The following PRR23C variants were observed in gnomAD, a reference collection of about 807,000 sequenced individuals.
PRR23C encodes proline rich 23C, also known as proline-rich protein 23C.
PRR23C carries 1 observed loss-of-function variant against 0.1 expected under a neutral mutation model. The ratio of observed to expected loss-of-function variants is 6.80; its 90% confidence interval spans 2.41 to 32.24. The LOEUF (loss-of-function observed/expected upper bound fraction) is 32.24, where lower values mean the gene tolerates loss of function less well. PRR23C is among the 30% of genes most tolerant of loss of function. The pLI, the probability that PRR23C is intolerant of heterozygous loss-of-function variation, is 0.11. For synonymous variants in PRR23C, 172 were observed against 168.1 expected (o/e 1.02, Z -0.18); for missense variants, 361 against 370.4 (o/e 0.97, Z 0.21).
chr3:139,043,981 T>C lies in PRR23C; in HGVS notation c.640A>G (p.Ile214Val), dbSNP rs1474982721. 43 of 1,611,528 alleles carry C rather than the reference T, an allele frequency of 2.7e-5. No individual in the cohort carries two copies. The highest frequency in any genetic ancestry group is 3.6e-5 in the Non-Finnish European group (43 of 1,178,822). Reference protein sequence around the residue: ...PSSERRSPRPIFDLEFHLLEP... With the variant: ...PSSERRSPRPVFDLEFHLLEP... Reference sequence around the variant, plus strand: ...AGAAGATGGAATTCCAGGTCGAAGATGGGGCGTGGAGAGCGTCTCTCTGAA... The same window carrying C: ...AGAAGATGGAATTCCAGGTCGAAGACGGGGCGTGGAGAGCGTCTCTCTGAA... The change falls in exon 1 of 1, where the codon ATC becomes GTC. Residue 214 changes from isoleucine (I) to valine (V), a missense_variant. Coordinates refer to ENST00000413199, the MANE Select transcript of PRR23C (RefSeq NM_001134657.1).
the PRR23C span, chr3:139,044,286 G>C: frequency 6.2e-7 from 1 of 1,609,562 alleles, no homozygotes. This position sits in a 1 kb window ranked among gnomAD's most constrained non-coding sequence, Gnocchi z 7.5. Context: ...CTGCGCTCCT[G>C]AGCATTCGTC....
chr3:139,044,167 C>G lies in PRR23C; in HGVS notation c.454G>C (p.Glu152Gln), dbSNP rs1280987729. 6.2e-7 allele frequency: 1 copy of G among 1,613,248 alleles called. No homozygotes were observed. The highest frequency in any genetic ancestry group is 1.3e-5 in the African/African-American group (1 of 74,924). Residue 152 changes from glutamate (E) to glutamine (Q), a missense_variant, in exon 1 of 1, where the codon GAA (glutamate) becomes CAA (glutamine). Glu to Gln is a conservative substitution (Grantham distance 29). Transcript: ENST00000413199. The surrounding 1 kb of genome is among the most constrained non-coding windows in gnomAD (Gnocchi z 7.5). ...CASVPEIAAEEEAYEEDADSE... is the reference protein window; with the variant it reads ...CASVPEIAAEQEAYEEDADSE... ...TCCGCGTCCTCCTCGTAGGCCTCTT[C>G]CTCGGCAGCGATCTCTGGGACAGAT...
rs1439978341 is a variant in PRR23C, at chr3:139,043,522, A to C, written c.*310T>G. On this transcript the variant is annotated 3_prime_UTR_variant, in exon 1 of 1. Transcript: ENST00000413199. ...ATGTGCTGGAACTGAGGTTCAAAGC[A>C]AAACCAGGGGGAATGGAGCTGCCTA... is the stretch of plus-strand genomic sequence containing the variant. 4.3e-6 allele frequency: 1 copy of C among 230,626 alleles called. No homozygotes were observed. Among genetic ancestry groups the C allele is most frequent in the Non-Finnish European group, 8.4e-6 (1 of 118,504 alleles). The allele number at this position is 230,626 out of a possible 1,614,324, so 14.3% of individuals were successfully genotyped here. A position where few individuals can be genotyped will look rare whatever the true frequency, so the allele number is the denominator to read the frequency against.
chr3:139,044,674 C>CG lies in PRR23C; in HGVS notation c.-55dup, dbSNP rs1287994204. 10 of 1,419,698 alleles carry CG rather than the reference C, an allele frequency of 7.0e-6. No individual in the cohort carries two copies. In the East Asian group the frequency reaches 1.1e-4, roughly 16 times the overall value. 87.9% of individuals were successfully genotyped at this position (1,419,698 alleles called of 1,614,324 possible). ...CTGGGCCTGGCAGGGGACGTGGGTG[C>CG]GGGGGGCTCGGGGCGGCGAAGTCCT... On this transcript the variant is annotated 5_prime_UTR_variant, in exon 1 of 1. Coordinates refer to ENST00000413199, the MANE Select transcript of PRR23C (RefSeq NM_001134657.1). This position sits in a 1 kb window ranked among gnomAD's most constrained non-coding sequence, Gnocchi z 7.5.
At position 139,044,069 on chromosome 3, in the gene PRR23C, A is replaced by C; in HGVS notation, c.552T>G (p.Ser184Arg). 6.2e-7 allele frequency: 1 copy of C among 1,613,470 alleles called. No individual in the cohort carries two copies. Among genetic ancestry groups the C allele is most frequent in the Non-Finnish European group, 8.5e-7 (1 of 1,179,694 alleles). Reference sequence around the variant, plus strand: ...GGCCCTCCCGGTAGGGGCTGAACATACTTCTAGCGGAGGGGTAGAGCCCAG... The same window carrying C: ...GGCCCTCCCGGTAGGGGCTGAACATCCTTCTAGCGGAGGGGTAGAGCCCAG... ...SAAGLYPSAR[S>R]MFSPYREGPI... Residue 184 changes from serine to arginine, a missense_variant, in exon 1 of 1, where the codon AGT (serine) becomes AGG (arginine). Coordinates refer to ENST00000413199, the MANE Select transcript of PRR23C (RefSeq NM_001134657.1). The surrounding 1 kb of genome is among the most constrained non-coding windows in gnomAD (Gnocchi z 7.5).
rs375702617 is a variant in PRR23C, at chr3:139,044,484, T to G, written c.137A>C (p.Glu46Ala). ...CACGGCCGGGGTCCCCGCCGGGTCTTCCGGGCTGGGCGCCGCTCGGGATTC... is the reference window on the plus strand; with the variant it reads ...CACGGCCGGGGTCCCCGCCGGGTCTGCCGGGCTGGGCGCCGCTCGGGATTC... The part of the protein sequence containing the change: ...GPESRAAPSP[E>A]DPAGTPAVDA... The change falls in exon 1 of 1, where the codon GAA becomes GCA. Residue 46 changes from glutamate (E) to alanine (A), a missense_variant. Glu to Ala is a moderately radical substitution (Grantham distance 107). Coordinates refer to ENST00000413199, the MANE Select transcript of PRR23C (RefSeq NM_001134657.1). The surrounding 1 kb of genome is among the most constrained non-coding windows in gnomAD (Gnocchi z 7.5). The G allele has an allele frequency of 3.2e-6, 5 of 1,541,898 alleles. No individual in the cohort carries two copies. The African/African-American group carries it at 5.5e-5, about 17-fold the overall frequency.
chr3:139,044,156 G>C, the PRR23C span: 1 of 1,613,206 alleles, frequency 6.2e-7, no homozygotes, highest in Non-Finnish European at 8.5e-7. This position sits in a 1 kb window ranked among gnomAD's most constrained non-coding sequence, Gnocchi z 7.5. Context: ...CGTCCTCCTC[G>C]TAGGCCTCTT....
Position 139,044,674 on chromosome 3 carries a change from C to T in PRR23C, c.-54G>A, listed in dbSNP as rs1171539981. 21 of 1,419,704 alleles carry T rather than the reference C, an allele frequency of 1.5e-5. No homozygotes were observed. Among genetic ancestry groups the T allele is most frequent in the East Asian group, 2.8e-5 (1 of 35,620 alleles). 87.9% of individuals were successfully genotyped at this position (1,419,704 alleles called of 1,614,324 possible). On this transcript the variant is annotated 5_prime_UTR_variant, in exon 1 of 1. Coordinates refer to ENST00000413199, the MANE Select transcript of PRR23C (RefSeq NM_001134657.1). The surrounding 1 kb of genome is among the most constrained non-coding windows in gnomAD (Gnocchi z 7.5). The stretch of plus-strand genomic sequence containing the variant: ...CTGGGCCTGGCAGGGGACGTGGGTG[C>T]GGGGGGCTCGGGGCGGCGAAGTCCT...
chr3:139,044,616 C>A lies in PRR23C; in HGVS notation c.5G>T (p.Gly2Val). 2 of 1,509,982 alleles carry A rather than the reference C, an allele frequency of 1.3e-6. No individual in the cohort carries two copies. Among genetic ancestry groups the A allele is most frequent in the Non-Finnish European group, 1.8e-6 (2 of 1,136,658 alleles). The allele number at this position is 1,509,982 out of a possible 1,614,324, so 93.5% of individuals were successfully genotyped here. The change falls in exon 1 of 1, where the codon GGC (glycine) becomes GTC (valine). Residue 2 changes from glycine (G) to valine (V), a missense_variant. Physicochemically the swap from Gly to Val is moderately radical, Grantham distance 109 (BLOSUM62 -3). Coordinates refer to ENST00000413199, the MANE Select transcript of PRR23C (RefSeq NM_001134657.1). This position sits in a 1 kb window ranked among gnomAD's most constrained non-coding sequence, Gnocchi z 7.5. The stretch of plus-strand genomic sequence containing the variant: ...GGCGCTGGGGCTGCAGGGCCGGCTG[C>A]CCATCACCTCGACGGCGCTGCGGAC... Reference protein sequence around the residue: MGSRPCSPSACL... With the variant: MVSRPCSPSACL...
chr3:139,044,150 C>T lies in PRR23C; in HGVS notation c.471G>A (p.Glu157=), dbSNP rs768443707. The change falls in exon 1 of 1, where the codon GAG becomes GAA. Residue 157 remains glutamate (E), a synonymous_variant. Transcript: ENST00000413199. The surrounding 1 kb of genome is among the most constrained non-coding windows in gnomAD (Gnocchi z 7.5). ...EIAAEEEAYE[E]DADSEFPELW... The stretch of plus-strand genomic sequence containing the variant: ...GCTCCGGGAACTCAGAGTCCGCGTC[C>T]TCCTCGTAGGCCTCTTCCTCGGCAG... The T allele has an allele frequency of 3.1e-6, 5 of 1,613,218 alleles. No homozygotes were observed. The highest frequency in any genetic ancestry group is 4.2e-6 in the Non-Finnish European group (5 of 1,179,582).
Position 139,044,606 on chromosome 3 carries a change from G to T in PRR23C, c.15C>A (p.Pro5=). The change falls in exon 1 of 1, where the codon CCC becomes CCA. Residue 5 remains proline, a synonymous_variant. Coordinates refer to ENST00000413199, the MANE Select transcript of PRR23C (RefSeq NM_001134657.1). This position sits in a 1 kb window ranked among gnomAD's most constrained non-coding sequence, Gnocchi z 7.5. MGSR[P]CSPSACLAPW... ...GCGCAAGGCAGGCGCTGGGGCTGCA[G>T]GGCCGGCTGCCCATCACCTCGACGG... The T allele has an allele frequency of 3.3e-6, 5 of 1,522,178 alleles. No individual in the cohort carries two copies. The highest frequency in any genetic ancestry group is 4.4e-6 in the Non-Finnish European group (5 of 1,140,656). 94.3% of individuals were successfully genotyped at this position (1,522,178 alleles called of 1,614,324 possible). A position where few individuals can be genotyped will look rare whatever the true frequency, so the allele number is the denominator to read the frequency against.
Position 139,044,053 on chromosome 3 carries a change from G to T in PRR23C, c.568C>A (p.Arg190=), listed in dbSNP as rs759003083. The part of the protein sequence containing the change: ...PSARSMFSPY[R]EGPIRGPCAL... Reference sequence around the variant, plus strand: ...CAGGGCCCTCGGATGGGGCCCTCCCGGTAGGGGCTGAACATACTTCTAGCG... The same window carrying T: ...CAGGGCCCTCGGATGGGGCCCTCCCTGTAGGGGCTGAACATACTTCTAGCG... Residue 190 remains arginine (R), a synonymous_variant, in exon 1 of 1, where the codon CGG becomes AGG. Coordinates refer to ENST00000413199, the MANE Select transcript of PRR23C (RefSeq NM_001134657.1). The surrounding 1 kb of genome is among the most constrained non-coding windows in gnomAD (Gnocchi z 7.5). The T allele has an allele frequency of 2.5e-6, 4 of 1,613,566 alleles. No homozygotes were observed. The highest frequency in any genetic ancestry group is 1.3e-5 in the African/African-American group (1 of 75,058).
rs1191692699 is a variant in PRR23C, at chr3:139,043,092, CAG to C, written c.*738_*739del. 2.0e-5 allele frequency: 3 copies of C among 151,700 alleles called. No individual in the cohort carries two copies. Among genetic ancestry groups the C allele is most frequent in the African/African-American group, 7.3e-5 (3 of 41,060 alleles). 9.4% of individuals were successfully genotyped at this position (151,700 alleles called of 1,614,324 possible). A position where few individuals can be genotyped will look rare whatever the true frequency, so the allele number is the denominator to read the frequency against. Reference sequence around the variant, plus strand: ...AACAACACACACACACATACACACACAGAGTCTTAGAATTATAAGCTTTTCCA... The same window carrying C: ...AACAACACACACACACATACACACACAGTCTTAGAATTATAAGCTTTTCCA... On this transcript the variant is annotated 3_prime_UTR_variant, in exon 1 of 1. Transcript: ENST00000413199.
Position 139,044,019 on chromosome 3 carries a change from G to T in PRR23C, c.602C>A (p.Ala201Asp), listed in dbSNP as rs145189818. Residue 201 changes from alanine to aspartate, a missense_variant, in exon 1 of 1, where the codon GCC becomes GAC. Transcript: ENST00000413199. This position sits in a 1 kb window ranked among gnomAD's most constrained non-coding sequence, Gnocchi z 7.5. ...EGPIRGPCAL[A>D]PNPSSERRSP... ...GCGTCTCTCTGAACTGGGGTTGGGG[G>T]CCAGAGCACAGGGCCCTCGGATGGG... 2.5e-6 allele frequency: 4 copies of T among 1,613,150 alleles called. No individual in the cohort carries two copies. The African/African-American group carries it at 5.3e-5, about 22-fold the overall frequency.
rs1418561289 is a variant in PRR23C at position 139,043,345 on chromosome 3, C to T, written c.*487G>A. On this transcript the variant is annotated 3_prime_UTR_variant, in exon 1 of 1. Coordinates refer to ENST00000413199, the MANE Select transcript of PRR23C (RefSeq NM_001134657.1). ...AGATCACCCAAAAGGGCTCAGGCCA[C>T]CATAGGGAAAAATTCCATGTTGAGA... 1.3e-5 allele frequency: 2 copies of T among 155,224 alleles called. No homozygotes were observed. Among genetic ancestry groups the T allele is most frequent in the Non-Finnish European group, 2.8e-5 (2 of 70,194 alleles). 9.6% of individuals were successfully genotyped at this position (155,224 alleles called of 1,614,324 possible). A position where few individuals can be genotyped will look rare whatever the true frequency, so the allele number is the denominator to read the frequency against.
Position 139,044,140 on chromosome 3 carries a change from A to G in PRR23C, c.481T>C (p.Ser161Pro), listed in dbSNP as rs775141534. The G allele has an allele frequency of 2.5e-6, 4 of 1,613,054 alleles. No individual in the cohort carries two copies. Among genetic ancestry groups the G allele is most frequent in the Admixed American group, 1.7e-5 (1 of 59,898 alleles). The change falls in exon 1 of 1, where the codon TCT (serine) becomes CCT (proline). Residue 161 changes from serine to proline, a missense_variant. Transcript: ENST00000413199. The surrounding 1 kb of genome is among the most constrained non-coding windows in gnomAD (Gnocchi z 7.5). Reference protein sequence around the residue: ...EEEAYEEDADSEFPELWMDSA... With the variant: ...EEEAYEEDADPEFPELWMDSA... Reference sequence around the variant, plus strand: ...TCCATCCAGAGCTCCGGGAACTCAGAGTCCGCGTCCTCCTCGTAGGCCTCT... The same window carrying G: ...TCCATCCAGAGCTCCGGGAACTCAGGGTCCGCGTCCTCCTCGTAGGCCTCT...
chr3:139,043,762 T>C lies in PRR23C; in HGVS notation c.*70A>G. 7.3e-7 allele frequency: 1 copy of C among 1,370,752 alleles called. No homozygotes were observed. The highest frequency in any genetic ancestry group is 1.5e-5 in the South Asian group (1 of 66,362). 84.9% of individuals were successfully genotyped at this position (1,370,752 alleles called of 1,614,324 possible). A position where few individuals can be genotyped will look rare whatever the true frequency, so the allele number is the denominator to read the frequency against. ...CGAGATCCTTGTAGGTTGCGCAACA[T>C]ACACACAACGGCTATCAGGAGACGG... is the stretch of plus-strand genomic sequence containing the variant. On this transcript the variant is annotated 3_prime_UTR_variant, in exon 1 of 1. Coordinates refer to ENST00000413199, the MANE Select transcript of PRR23C (RefSeq NM_001134657.1).
Position 139,044,410 on chromosome 3 carries a change from C to A in PRR23C, c.211G>T (p.Val71Leu). 6.4e-7 allele frequency: 1 copy of A among 1,566,600 alleles called. No individual in the cohort carries two copies. Among genetic ancestry groups the A allele is most frequent in the Non-Finnish European group, 8.6e-7 (1 of 1,156,472 alleles). The change falls in exon 1 of 1, where the codon GTG (valine) becomes TTG (leucine). Residue 71 changes from valine to leucine, a missense_variant. Val to Leu is a conservative substitution (Grantham distance 32, BLOSUM62 1). Coordinates refer to ENST00000413199, the MANE Select transcript of PRR23C (RefSeq NM_001134657.1). The surrounding 1 kb of genome is among the most constrained non-coding windows in gnomAD (Gnocchi z 7.5). Reference sequence around the variant, plus strand: ...ACCAGGTCGACGTCCTCCAGGGGCACACGCAGGGCACAGCCCGCGTCCAGG... The same window carrying A: ...ACCAGGTCGACGTCCTCCAGGGGCAAACGCAGGGCACAGCCCGCGTCCAGG... ...VVLDAGCALR[V>L]PLEDVDLVLE...
chr3:139,044,429 G>A lies in PRR23C; in HGVS notation c.192C>T (p.Asp64=), dbSNP rs750832767. The change falls in exon 1 of 1, where the codon GAC becomes GAT. Residue 64 remains aspartate (D), a synonymous_variant. Coordinates refer to ENST00000413199, the MANE Select transcript of PRR23C (RefSeq NM_001134657.1). This position sits in a 1 kb window ranked among gnomAD's most constrained non-coding sequence, Gnocchi z 7.5. The part of the protein sequence containing the change: ...VDALTSMVVL[D]AGCALRVPLE... ...GGGGCACACGCAGGGCACAGCCCGC[G>A]TCCAGGACCACCATGGAGGTGAGCG... 1.9e-6 allele frequency: 3 copies of A among 1,557,368 alleles called. No individual in the cohort carries two copies. The highest frequency in any genetic ancestry group is 2.6e-6 in the Non-Finnish European group (3 of 1,151,596).
Sources: gnomAD v4.1 joint callset for allele counts on GRCh38, gnomAD v4.1.1 for gene constraint, Gnocchi (gnomAD v3.1) non-coding constraint, MANE v1.5 for transcripts, NCBI Gene and HGNC (gene_info 2026-07-23, HGNC 2026-07-21) for gene names.